Variants in DPYD observed in about 807,000 individuals in gnomAD.
DPYD encodes dihydropyrimidine dehydrogenase [NADP(+)].
DPYD carries 109 observed loss-of-function variants against 116.2 expected under a neutral mutation model. The ratio of observed to expected loss-of-function variants is 0.94; its 90% CI spans 0.80 to 1.10. DPYD has a LOEUF of 1.10. Among genes scored for constraint, DPYD ranks in the 50% least tolerant of loss-of-function variants. The pLI is 0.00. For synonymous variants in DPYD, 440 were observed against 432.0 expected (o/e 1.02, Z -0.23); for missense variants, 1,302 against 1,254.5 (o/e 1.04, Z -0.57).
intron 4 of DPYD, among the ~76,000 whole-genome samples, chr1:97,726,261 C>T (rs1383548915): frequency 6.6e-6 from 1 of 151,450 alleles, no homozygotes; most frequent in Non-Finnish European, 1.5e-5. Flanking sequence ...TCCTAGAAAA[C>T]TAAATAGTAC....
chr1:97,861,873 A>G (rs1290176360), intron 2 of DPYD, among the ~76,000 whole-genome samples: 1 of 151,940 alleles, frequency 6.6e-6, no homozygotes, highest in Non-Finnish European at 1.5e-5. Flanking sequence ...TTCTGCTACA[A>G]TGTTCTACAT....
Position 97,533,675 on chromosome 1 carries a change from C to G in DPYD, c.1524+15885G>C, listed in dbSNP as rs142335563. On this transcript the variant is annotated intron_variant, in intron 12 of 22. Transcript: ENST00000370192. Reference sequence around the variant, plus strand: ...ACAGCAGTGATGTTAAATATTAAGCCTTGGAATAAGAAGTTCAAAATTGTA... The same window carrying G: ...ACAGCAGTGATGTTAAATATTAAGCGTTGGAATAAGAAGTTCAAAATTGTA... Among the ~76,000 whole-genome samples the G allele has an allele frequency of 2.6e-3, 400 of 152,232 alleles. 4 individuals carry two copies. Among genetic ancestry groups the G allele is most frequent in the African/African-American group, 9.1e-3 (379 of 41,524 alleles).
chr1:97,359,895 A>T (rs1250708930), intron 16 of DPYD, among the ~76,000 whole-genome samples: 8 of 152,230 alleles, frequency 5.3e-5, no homozygotes, highest in Admixed American at 5.2e-4. Context: ...AAGAAACTGC[A>T]TCAAGTAACA....
intron 16 of DPYD, among the ~76,000 whole-genome samples, chr1:97,319,408 C>T (rs1404087617): frequency 7.4e-4 from 94 of 127,522 alleles, no homozygotes; most frequent in Middle Eastern, 4.6e-3. Context: ...ATATCACCAC[C>T]GATCCCACAG....
At chr1:97,774,089 G>T (rs1240956469) in intron 3 of DPYD, among the ~76,000 whole-genome samples, 1 of 152,154 alleles carries the variant, frequency 6.6e-6, no homozygotes, top group Non-Finnish European at 1.5e-5. Flanking sequence ...CCCACTACCT[G>T]CCCATATGCA....
At chr1:97,291,974 T>A (rs754728098) in intron 18 of DPYD, among the ~76,000 whole-genome samples, 9 of 152,196 alleles carry the variant, frequency 5.9e-5, no homozygotes, top group African/African-American at 9.6e-5. Flanking sequence ...ACAAACATTT[T>A]AAATTTTTTT....
At chr1:97,214,313 T>A (rs1370185476) in intron 19 of DPYD, among the ~76,000 whole-genome samples, 1 of 152,188 alleles carries the variant, frequency 6.6e-6, no homozygotes, top group African/African-American at 2.4e-5. Flanking sequence ...CATATGAATA[T>A]AAGATTCAAC....
At chr1:97,514,435 A>C (rs1317008609) in intron 13 of DPYD, among the ~76,000 whole-genome samples, 1 of 151,914 alleles carries the variant, frequency 6.6e-6, no homozygotes, top group Non-Finnish European at 1.5e-5. Context: ...TAACTAATAT[A>C]GTCAGTATAT....
chr1:97,289,253 G>C (rs1665959482), intron 18 of DPYD, among the ~76,000 whole-genome samples: 1 of 151,700 alleles, frequency 6.6e-6, no homozygotes. Context: ...AATTCTACCA[G>C]AGGTACAAGG....
chr1:97,081,555 ACT>A (rs1649146120), intron 22 of DPYD, among the ~76,000 whole-genome samples: 1 of 152,046 alleles, frequency 6.6e-6, no homozygotes, highest in Non-Finnish European at 1.5e-5. Context: ...GTTGTGCCAA[ACT>A]CTTTAAAAAA....
chr1:97,740,272 G>A, intron 4 of DPYD, 120 bp downstream of exon 4: 1 of 755,362 alleles, frequency 1.3e-6, no homozygotes, highest in African/African-American at 1.7e-5. Flanking sequence ...AATGCCTATA[G>A]AAGTCATATT....
intron 5 of DPYD, 72 bp from the exon 6 acceptor site, chr1:97,699,619 T>G: frequency 2.1e-6 from 3 of 1,441,804 alleles, no homozygotes; most frequent in Non-Finnish European, 2.9e-6. Flanking sequence ...TTTTAATGTT[T>G]CAAACGAATT....
At chr1:97,104,030 C>T (rs1650949329) in intron 20 of DPYD, among the ~76,000 whole-genome samples, 1 of 152,066 alleles carries the variant, frequency 6.6e-6, no homozygotes, top group African/African-American at 2.4e-5. Context: ...AAGTAATCTC[C>T]TTTACCGATT....
chr1:97,704,308 C>T (rs1228825344), intron 5 of DPYD, among the ~76,000 whole-genome samples: 1 of 151,670 alleles, frequency 6.6e-6, no homozygotes, highest in Non-Finnish European at 1.5e-5. Flanking sequence ...TATTATGAAA[C>T]TATGAAAATT....
At chr1:97,402,154 CA>C (rs1392527930) in intron 14 of DPYD, among the ~76,000 whole-genome samples, 1 of 152,060 alleles carries the variant, frequency 6.6e-6, no homozygotes, top group Non-Finnish European at 1.5e-5. Flanking sequence ...TTAATGCCCA[CA>C]ACACAACTTG....
chr1:97,268,694 T>C (rs1381038580), intron 18 of DPYD, among the ~76,000 whole-genome samples: 4 of 152,080 alleles, frequency 2.6e-5, no homozygotes, highest in African/African-American at 9.7e-5. Context: ...AGTCTCAAGA[T>C]AGTGCAGGGC....
intron 18 of DPYD, among the ~76,000 whole-genome samples, chr1:97,262,818 A>G (rs919917084): frequency 7.2e-5 from 11 of 152,206 alleles, no homozygotes; most frequent in Admixed American, 2.0e-4. Flanking sequence ...AGAGAAAACA[A>G]TGAATGTTAC....
chr1:97,851,221 G>T, intron 2 of DPYD, among the ~76,000 whole-genome samples: 1 of 143,376 alleles, frequency 7.0e-6, no homozygotes. Context: ...TTATAATTTT[G>T]GAACATAAAT....
intron 14 of DPYD, among the ~76,000 whole-genome samples, chr1:97,434,117 A>G (rs1675328592): frequency 6.6e-6 from 1 of 152,260 alleles, no homozygotes; most frequent in Middle Eastern, 3.4e-3. Context: ...TTAAAATGCA[A>G]AAAGCAGCAC....
Sources: allele counts gnomAD v4.1 joint callset (sites outside exome capture counted in the v4.1 genomes callset), GRCh38; gene constraint gnomAD v4.1.1; transcripts MANE v1.5; gene names NCBI Gene and HGNC (gene_info 2026-07-23, HGNC 2026-07-21).